TENM1: variants seen among roughly 807,000 people sequenced by gnomAD.
The protein encoded by TENM1 is teneurin transmembrane protein 1.
TENM1 carries 35 observed loss-of-function variants against 174.8 expected under a neutral mutation model. That is an observed-to-expected ratio of 0.20 (90% confidence interval 0.15 to 0.27). The LOEUF is 0.27. Among genes scored for constraint, TENM1 ranks in the 10% least tolerant of loss-of-function variants. The pLI is 1.00. For synonymous variants in TENM1, 781 were observed against 798.7 expected (o/e 0.98, Z 0.37); for missense variants, 1,633 against 2,130.1 (o/e 0.77, Z 4.59).
the TENM1 span, among the ~76,000 whole-genome samples, chrX:125,128,301 T>C: frequency 1.8e-5 from 2 of 111,878 alleles, no homozygotes; most frequent in Non-Finnish European, 3.8e-5. Context: ...TGAAGGAGAC[T>C]GAGTTTCAAT....
chrX:124,899,837 T>G (rs1334061464), intron 1 of TENM1, among the ~76,000 whole-genome samples: 1 of 111,917 alleles, frequency 8.9e-6, no homozygotes, highest in Non-Finnish European at 1.9e-5. Context: ...AAATGCAAAC[T>G]AAAGCCACAA....
At chrX:125,004,649 AAC>A in the TENM1 span, among the ~76,000 whole-genome samples, 2 of 112,075 alleles carry the variant, frequency 1.8e-5, no homozygotes, top group African/African-American at 6.5e-5. Flanking sequence ...TAGCAGAATA[AAC>A]ACACATATAC....
the TENM1 span, among the ~76,000 whole-genome samples, chrX:125,141,080 C>T: frequency 8.9e-6 from 1 of 112,110 alleles, no homozygotes; most frequent in African/African-American, 3.2e-5. Flanking sequence ...GGACCATATT[C>T]GAACCTGTGA....
At chrX:124,937,222 C>T (rs752077119) in intron 1 of TENM1, among the ~76,000 whole-genome samples, 3 of 111,425 alleles carry the variant, frequency 2.7e-5, no homozygotes, top group Non-Finnish European at 5.7e-5. Context: ...TATAGAGATA[C>T]ACTGTTATCA....
the TENM1 span, among the ~76,000 whole-genome samples, chrX:125,182,560 A>G: frequency 9.1e-6 from 1 of 109,900 alleles, no homozygotes; most frequent in Non-Finnish European, 1.9e-5. Flanking sequence ...GTTTTGATAT[A>G]TGAATCTTTT....
intron 3 of TENM1, among the ~76,000 whole-genome samples, chrX:124,846,800 A>G (rs1224875381): frequency 4.5e-5 from 5 of 111,580 alleles, no homozygotes; most frequent in Non-Finnish European, 9.4e-5. Context: ...CACAATCTTA[A>G]TAAGTTTTTA....
At chrX:124,680,095 A>G (rs906074605) in intron 5 of TENM1, among the ~76,000 whole-genome samples, 4 of 111,941 alleles carry the variant, frequency 3.6e-5, no homozygotes, top group African/African-American at 1.3e-4. Context: ...ACTGTTTTAC[A>G]AAACACATTT....
intron 25 of TENM1, among the ~76,000 whole-genome samples, chrX:124,409,004 G>A (rs1420568949): frequency 8.3e-5 from 9 of 109,084 alleles, no homozygotes; most frequent in Admixed American, 3.9e-4. Flanking sequence ...TGAACTCATC[G>A]TTTTTTATGG....
chrX:125,156,414 C>A, the TENM1 span, among the ~76,000 whole-genome samples: 1 of 111,782 alleles, frequency 8.9e-6, no homozygotes, highest in East Asian at 2.8e-4. Context: ...CTCTTCCCAC[C>A]CTCCACCCAA....
chrX:124,739,874 G>A (rs2053761189), intron 3 of TENM1, among the ~76,000 whole-genome samples: 1 of 112,147 alleles, frequency 8.9e-6, no homozygotes, highest in South Asian at 3.7e-4. Flanking sequence ...GGTTTGACTG[G>A]ATCATGGGAC....
the TENM1 span, among the ~76,000 whole-genome samples, chrX:125,044,571 C>T: frequency 1.8e-5 from 2 of 110,837 alleles, no homozygotes; most frequent in Admixed American, 1.9e-4. Context: ...GTCTGGGCGA[C>T]AGATTGAGAC....
chrX:124,505,893 T>C (rs2047436884), intron 18 of TENM1, among the ~76,000 whole-genome samples: 1 of 111,398 alleles, frequency 9.0e-6, no homozygotes, highest in Non-Finnish European at 1.9e-5. Context: ...GCATTCTTTC[T>C]AGATTACATT....
intron 3 of TENM1, among the ~76,000 whole-genome samples, chrX:124,807,881 ACAC>A (rs2055651388): frequency 7.3e-5 from 1 of 13,675 alleles, no homozygotes; most frequent in African/African-American, 1.6e-4. Context: ...AATCACTTAC[ACAC>A]ACACACACAC....
chrX:124,427,872 G>A (rs1277085992), intron 23 of TENM1, among the ~76,000 whole-genome samples: 2 of 111,106 alleles, frequency 1.8e-5, no homozygotes, highest in East Asian at 5.6e-4. Flanking sequence ...TGATACTAAG[G>A]TGGGGCTAAG....
chrX:124,681,583 T>G (rs1363845485), intron 5 of TENM1, among the ~76,000 whole-genome samples: 6 of 111,505 alleles, frequency 5.4e-5, no homozygotes, highest in Admixed American at 2.9e-4. Flanking sequence ...CTGGCCCTGT[T>G]GGGGATTTCA....
intron 15 of TENM1, among the ~76,000 whole-genome samples, chrX:124,532,330 A>T: frequency 8.9e-6 from 1 of 111,884 alleles, no homozygotes. Context: ...ATTTTATGAC[A>T]CACACAGACC....
chrX:125,058,671 A>T, the TENM1 span, among the ~76,000 whole-genome samples: 4,128 of 110,313 alleles, frequency 0.037, 228 homozygotes, highest in African/African-American at 0.13. Context: ...GAAAGTTTTT[A>T]AAAAAACAAT....
the TENM1 span, among the ~76,000 whole-genome samples, chrX:125,155,296 T>C: frequency 1.8e-5 from 2 of 111,716 alleles, no homozygotes; most frequent in Admixed American, 9.4e-5. Context: ...ATTGGTGTGT[T>C]TACAAACCTT....
At chrX:124,489,969 C>T (rs1295655074) in intron 20 of TENM1, among the ~76,000 whole-genome samples, 1 of 111,521 alleles carries the variant, frequency 9.0e-6, no homozygotes, top group Non-Finnish European at 1.9e-5. Flanking sequence ...GACTACCTTC[C>T]CCCATGCTCT....
Sources: allele counts gnomAD v4.1 joint callset (sites outside exome capture counted in the v4.1 genomes callset), GRCh38; gene constraint gnomAD v4.1.1; transcripts MANE v1.5; gene names NCBI Gene and HGNC (gene_info 2026-07-23, HGNC 2026-07-21).